Variants in KCNH1 observed in about 807,000 individuals in gnomAD.
KCNH1 encodes the protein potassium voltage-gated channel subfamily H member 1.
In KCNH1, 27 loss-of-function variants were observed where a neutral mutation model predicts 69.2. That is an observed-to-expected ratio of 0.39 (90% CI 0.29 to 0.54). KCNH1 has a LOEUF of 0.54. Among genes scored for constraint, KCNH1 ranks in the 20% least tolerant of loss-of-function variants. The pLI is 0.68. For synonymous variants in KCNH1, 456 were observed against 487.7 expected (o/e 0.93, Z 0.86); for missense variants, 798 against 1,261.6 (o/e 0.63, Z 5.57).
intron 6 of KCNH1, among the ~76,000 whole-genome samples, chr1:210,960,575 A>T (rs1056748797): frequency 4.6e-5 from 7 of 152,206 alleles, no homozygotes; most frequent in African/African-American, 1.7e-4. Flanking sequence ...ATTCATCTAC[A>T]TTGTTGCATA....
At chr1:210,873,696 A>G (rs1453297177) in intron 7 of KCNH1, among the ~76,000 whole-genome samples, 1 of 152,142 alleles carries the variant, frequency 6.6e-6, no homozygotes, top group Non-Finnish European at 1.5e-5. Context: ...CCTGATTCAA[A>G]GACATAAAAA....
intron 10 of KCNH1, among the ~76,000 whole-genome samples, chr1:210,733,767 G>C (rs1437316966): frequency 6.6e-6 from 1 of 152,152 alleles, no homozygotes; most frequent in Non-Finnish European, 1.5e-5. Context: ...TGTGGGTAGA[G>C]AATATAAGCT....
intron 5 of KCNH1, among the ~76,000 whole-genome samples, chr1:211,045,266 G>A (rs1277133968): frequency 1.3e-5 from 2 of 151,568 alleles, no homozygotes; most frequent in South Asian, 2.1e-4. Context: ...AGACTCCGGG[G>A]AAAGGGTGAA....
intron 7 of KCNH1, among the ~76,000 whole-genome samples, chr1:210,846,115 G>A (rs959446358): frequency 7.6e-4 from 115 of 152,312 alleles, no homozygotes; most frequent in African/African-American, 2.6e-3. Flanking sequence ...CCATGCTCAT[G>A]TGTAGGAAGA....
intron 4 of KCNH1, among the ~76,000 whole-genome samples, chr1:211,085,785 T>C (rs1055430396): frequency 3.9e-5 from 6 of 152,236 alleles, no homozygotes; most frequent in Non-Finnish European, 7.3e-5. Context: ...GTGTCCCTTA[T>C]AGCAGACCCA....
chr1:210,751,418 A>C, intron 10 of KCNH1, among the ~76,000 whole-genome samples: 1 of 152,324 alleles, frequency 6.6e-6, no homozygotes, highest in East Asian at 1.9e-4. Context: ...CCTGGACATA[A>C]AATTCAATTT....
intron 6 of KCNH1, among the ~76,000 whole-genome samples, chr1:210,998,008 G>A (rs993304644): frequency 1.3e-5 from 2 of 152,120 alleles, no homozygotes; most frequent in Admixed American, 6.5e-5. Context: ...AGCTCCTGAA[G>A]GAAGCACTAA....
intron 7 of KCNH1, among the ~76,000 whole-genome samples, chr1:210,918,446 G>A (rs1687391449): frequency 6.6e-6 from 1 of 152,166 alleles, no homozygotes; most frequent in African/African-American, 2.4e-5. Context: ...TTCACAATGA[G>A]TCCAATCCAC....
intron 5 of KCNH1, among the ~76,000 whole-genome samples, chr1:211,022,683 G>T (rs1324406901): frequency 3.3e-5 from 5 of 152,022 alleles, no homozygotes; most frequent in Admixed American, 6.6e-5. Flanking sequence ...ATTTATCAAA[G>T]GAATACATAC....
rs377213956 is a variant in KCNH1, at chr1:210,800,209, C to T, written c.1663-2449G>A. On this transcript the variant is annotated intron_variant, in intron 8 of 10. Coordinates refer to ENST00000271751, the MANE Select transcript of KCNH1 (RefSeq NM_172362.3). ...CCAAGGCAGAGAGGAAAATTCAGAACGCCAATGCTTGGGCAGAGTGCTTGC... is the reference window on the plus strand; with the variant it reads ...CCAAGGCAGAGAGGAAAATTCAGAATGCCAATGCTTGGGCAGAGTGCTTGC... Among the ~76,000 whole-genome samples, 16 of 152,308 alleles carry T rather than the reference C, an allele frequency of 1.1e-4. No individual in the cohort carries two copies. The East Asian group carries it at 1.7e-3, about 17-fold the overall frequency.
chr1:210,961,704 G>A (rs929211438), intron 6 of KCNH1, among the ~76,000 whole-genome samples: 9 of 152,230 alleles, frequency 5.9e-5, no homozygotes, highest in Admixed American at 5.2e-4. Context: ...GCCAGGCATG[G>A]TGGTGCATGC....
At chr1:210,765,146 G>T (rs1035689221) in intron 10 of KCNH1, among the ~76,000 whole-genome samples, 1 of 151,964 alleles carries the variant, frequency 6.6e-6, no homozygotes, top group African/African-American at 2.4e-5. Flanking sequence ...ACAAGTAGTA[G>T]CTCAACATTG....
At chr1:210,922,438 C>CCATAAAA (rs1687482976) in intron 6 of KCNH1, among the ~76,000 whole-genome samples, 1 of 146,116 alleles carries the variant, frequency 6.8e-6, no homozygotes. Context: ...AAGTTTGCAG[C>CCATAAAA]CATAAAACGT....
chr1:211,087,481 G>C (rs1690974721), intron 4 of KCNH1, among the ~76,000 whole-genome samples: 1 of 151,994 alleles, frequency 6.6e-6, no homozygotes, highest in African/African-American at 2.4e-5. Flanking sequence ...ATATCCCACA[G>C]CCTACTCCCA....
At chr1:210,737,649 T>A (rs909893724) in intron 10 of KCNH1, among the ~76,000 whole-genome samples, 5 of 152,164 alleles carry the variant, frequency 3.3e-5, no homozygotes, top group African/African-American at 7.2e-5. Flanking sequence ...CCCCTGCACA[T>A]ACCCCTCAAA....
chr1:210,855,473 AGAGAG>A (rs1224067459), intron 7 of KCNH1, among the ~76,000 whole-genome samples: 2 of 152,238 alleles, frequency 1.3e-5, no homozygotes, highest in Non-Finnish European at 2.9e-5. Context: ...CCTGAGGAGA[AGAGAG>A]AAGTCCAGGC....
intron 7 of KCNH1, among the ~76,000 whole-genome samples, chr1:210,826,440 A>T (rs931061856): frequency 4.6e-5 from 7 of 152,230 alleles, no homozygotes; most frequent in African/African-American, 1.7e-4. Flanking sequence ...AATAAGAAAT[A>T]TGGAACCTCA....
chr1:210,678,990 T>G lies in KCNH1; in HGVS notation c.*4291A>C, dbSNP rs1681202093. On this transcript the variant is annotated 3_prime_UTR_variant, in exon 11 of 11. Transcript: ENST00000271751. ...TAAGTCTGATATGCTTGCATGAGAATGAAGTTTCACTTGAATTTAAGCTGC... is the reference window on the plus strand; with the variant it reads ...TAAGTCTGATATGCTTGCATGAGAAGGAAGTTTCACTTGAATTTAAGCTGC... 6.6e-6 allele frequency: 1 copy of G among 152,238 alleles called. No individual in the cohort carries two copies. Among genetic ancestry groups the G allele is most frequent in the African/African-American group, 2.4e-5 (1 of 41,470 alleles). 9.4% of individuals were successfully genotyped at this position (152,238 alleles called of 1,614,324 possible).
chr1:211,057,184 T>C (rs1430682793), intron 5 of KCNH1, among the ~76,000 whole-genome samples: 1 of 152,140 alleles, frequency 6.6e-6, no homozygotes, highest in East Asian at 1.9e-4. Flanking sequence ...GATTAAATAA[T>C]TTAAAAGAAT....
Sources: allele counts gnomAD v4.1 joint callset (sites outside exome capture counted in the v4.1 genomes callset), GRCh38; gene constraint gnomAD v4.1.1; transcripts MANE v1.5; gene names NCBI Gene and HGNC (gene_info 2026-07-23, HGNC 2026-07-21).